RBM6: variants seen among roughly 807,000 people sequenced by gnomAD.
RBM6 encodes RNA binding motif protein 6, also known as RNA-binding protein 6.
Under a neutral mutation model 140.4 loss-of-function variants are expected in RBM6, and 23 were observed. That is an observed-to-expected ratio of 0.16 (90% CI 0.12 to 0.23). The LOEUF is 0.23. Ranked by LOEUF, RBM6 falls within the 10% of genes least tolerant of loss-of-function variation. The pLI, the probability that RBM6 is intolerant of heterozygous loss-of-function variation, is 1.00. For synonymous variants in RBM6, 439 were observed against 475.6 expected, an observed-to-expected ratio of 0.92 and a Z score of 1.00; for missense variants, 1,139 against 1,386.7, an observed-to-expected ratio of 0.82 and a Z score of 2.84.
chr3:50,073,464 T>TA (rs2090366300), intron 19 of RBM6, among the ~76,000 whole-genome samples: 1 of 152,202 alleles, frequency 6.6e-6, no homozygotes, highest in Admixed American at 6.5e-5. Flanking sequence ...ATAACAGCAT[T>TA]AATCCATTTG....
rs371990056 is a variant in RBM6 at position 50,077,070 on chromosome 3, C to G, written c.3309C>G (p.Ser1103=). The part of the protein sequence containing the change: ...GASGRTSKRQ[S]NETYRDAVRR... ...CAGGAAGAACCAGCAAAAGACAGTCCAACGAGACTTACCGAGATGCTGTTC... is the reference window on the plus strand; with the variant it reads ...CAGGAAGAACCAGCAAAAGACAGTCGAACGAGACTTACCGAGATGCTGTTC... The change falls in exon 21 of 21, where the codon TCC becomes TCG. Residue 1103 remains serine (S), a synonymous_variant. Coordinates refer to ENST00000266022, the MANE Select transcript of RBM6 (RefSeq NM_005777.3). 2 of 1,613,116 alleles carry G rather than the reference C, an allele frequency of 1.2e-6. No homozygotes were observed. The highest frequency in any genetic ancestry group is 2.2e-5 in the East Asian group (1 of 44,840).
At chr3:50,003,766 A>C (rs1441559516) in intron 6 of RBM6, among the ~76,000 whole-genome samples, 3 of 152,188 alleles carry the variant, frequency 2.0e-5, no homozygotes, top group African/African-American at 7.2e-5. Flanking sequence ...GCAGCTGTCT[A>C]TCTGGAGAAA....
intron 19 of RBM6, among the ~76,000 whole-genome samples, chr3:50,071,993 A>G (rs1488736139): frequency 1.3e-5 from 2 of 151,068 alleles, no homozygotes; most frequent in Non-Finnish European, 3.0e-5. Context: ...CTGGGGCAGA[A>G]GAATCGCTCA....
intron 6 of RBM6, among the ~76,000 whole-genome samples, chr3:50,033,482 TA>T (rs1018079662): frequency 7.2e-5 from 11 of 152,116 alleles, no homozygotes; most frequent in Non-Finnish European, 1.2e-4. Context: ...TTATATTCTT[TA>T]AAATGACCCA....
intron 5 of RBM6, among the ~76,000 whole-genome samples, chr3:49,976,342 G>T (rs1019327037): frequency 5.9e-5 from 9 of 152,114 alleles, no homozygotes; most frequent in African/African-American, 1.7e-4. Flanking sequence ...AATAAATTTT[G>T]GTGCTTGAAA....
At chr3:50,058,611 C>G (rs561675514) in intron 10 of RBM6, 49 bp downstream of exon 10, 5 of 1,528,448 alleles carry the variant, frequency 3.3e-6, no homozygotes, top group African/African-American at 1.4e-5. Flanking sequence ...GGCTAAAGAA[C>G]CTTCAAGAAG....
intron 6 of RBM6, among the ~76,000 whole-genome samples, chr3:50,013,922 TCA>T (rs1339363788): frequency 6.6e-6 from 1 of 152,102 alleles, no homozygotes. Flanking sequence ...TTTTTGGTTG[TCA>T]CCACTGGGAG....
intron 5 of RBM6, among the ~76,000 whole-genome samples, chr3:49,980,039 C>T (rs751164417): frequency 2.6e-4 from 40 of 151,612 alleles, no homozygotes; most frequent in Non-Finnish European, 4.9e-4. Context: ...CTCGTTTGGT[C>T]ACCCAAGCTG....
chr3:50,070,397 C>T lies in RBM6; in HGVS notation c.3019-58C>T, dbSNP rs2090263714. On this transcript the variant is annotated intron_variant, in intron 18 of 20. Coordinates refer to ENST00000266022, the MANE Select transcript of RBM6 (RefSeq NM_005777.3). ...AATAACAGCAATGGGGTAGAATTTC[C>T]CCACTCCCCAATTCCCTCAGGTGGC... 14 of 1,227,326 alleles carry T rather than the reference C, an allele frequency of 1.1e-5. No homozygotes were observed. The South Asian group carries it at 1.7e-4, about 15-fold the overall frequency. 76.0% of individuals were successfully genotyped at this position (1,227,326 alleles called of 1,614,324 possible).
intron 7 of RBM6, among the ~76,000 whole-genome samples, chr3:50,053,616 C>G (rs1246261323): frequency 6.6e-6 from 1 of 152,122 alleles, no homozygotes; most frequent in African/African-American, 2.4e-5. Flanking sequence ...TTTACTCGCC[C>G]TATAAGGCCC....
chr3:50,076,904 C>G (rs1358184966), intron 20 of RBM6, 104 bp from the exon 21 acceptor site: 30 of 1,189,970 alleles, frequency 2.5e-5, no homozygotes, highest in Admixed American at 3.1e-5. Flanking sequence ...AAAAATTATC[C>G]TATATACTGC....
chr3:49,977,272 G>T (rs1363963670), intron 5 of RBM6, among the ~76,000 whole-genome samples: 1 of 152,196 alleles, frequency 6.6e-6, no homozygotes, highest in Non-Finnish European at 1.5e-5. Flanking sequence ...CTGTGTCAGG[G>T]TCTTTGCACT....
At chr3:49,978,912 ATT>A (rs2085178108) in intron 5 of RBM6, among the ~76,000 whole-genome samples, 1 of 152,162 alleles carries the variant, frequency 6.6e-6, no homozygotes, top group African/African-American at 2.4e-5. Flanking sequence ...TTATATGATT[ATT>A]TCTGGAAAAA....
intron 6 of RBM6, among the ~76,000 whole-genome samples, chr3:50,019,573 T>C (rs1262928717): frequency 1.3e-5 from 2 of 152,158 alleles, no homozygotes; most frequent in African/African-American, 2.4e-5. Flanking sequence ...AAAACTGGTC[T>C]CCAGCTCTTG....
chr3:49,958,782 CT>C lies in RBM6; in HGVS notation c.-66-3775del, dbSNP rs35853185. ...AAAAAAAATTCATTCTGAAGAATTC[CT>C]TTTTTTTTTTTTTTTTTTGTAAAAA... On this transcript the variant is annotated intron_variant, in intron 1 of 20. Coordinates refer to ENST00000266022, the MANE Select transcript of RBM6 (RefSeq NM_005777.3). Among the ~76,000 whole-genome samples the C allele has an allele frequency of 5.5e-3, 634 of 114,350 alleles. 2 individuals are homozygous for C. The highest frequency in any genetic ancestry group is 0.016 in the African/African-American group (478 of 30,062). 75.0% of individuals were successfully genotyped at this position (114,350 alleles called of 152,430 possible).
chr3:49,949,402 G>T (rs1053601709), intron 1 of RBM6, among the ~76,000 whole-genome samples: 1 of 151,040 alleles, frequency 6.6e-6, no homozygotes, highest in African/African-American at 2.4e-5. Context: ...TTGTTTGCTT[G>T]TTTTTTTTGA....
rs35083306 is a variant in RBM6 at position 50,023,655 on chromosome 3, A to ATTT, written c.1557+24160_1557+24162dup. 1.6e-3 allele frequency among the ~76,000 whole-genome samples: 186 copies of ATTT among 115,074 alleles called. 3 individuals are homozygous for ATTT. The highest frequency in any genetic ancestry group is 5.2e-3 in the African/African-American group (156 of 29,890). 75.5% of individuals were successfully genotyped at this position (115,074 alleles called of 152,430 possible). A position where few individuals can be genotyped will look rare whatever the true frequency, so the allele number is the denominator to read the frequency against. ...ACGCTCACAAATAAAATGTTTGGTGATTTTTTTTTTTTTTTTTTTTGGAGA... is the reference window on the plus strand; with the variant it reads ...ACGCTCACAAATAAAATGTTTGGTGATTTTTTTTTTTTTTTTTTTTTTTGGAGA... On this transcript the variant is annotated intron_variant, in intron 6 of 20. Coordinates refer to ENST00000266022, the MANE Select transcript of RBM6 (RefSeq NM_005777.3).
chr3:50,040,493 T>TATAC (rs749096137), intron 6 of RBM6, among the ~76,000 whole-genome samples: 169 of 85,666 alleles, frequency 2.0e-3, no homozygotes, highest in African/African-American at 3.7e-3. Context: ...TATATATATA[T>TATAC]ACACACACAC....
chr3:50,057,448 C>T (rs2089748439), intron 8 of RBM6, among the ~76,000 whole-genome samples: 3 of 151,804 alleles, frequency 2.0e-5, no homozygotes, highest in South Asian at 2.1e-4. Flanking sequence ...ATTACCTGGG[C>T]GTGGTGGTGG....
Sources: gnomAD v4.1 joint callset for allele counts (sites outside exome capture counted in the v4.1 genomes callset) on GRCh38, gnomAD v4.1.1 for gene constraint, MANE v1.5 for transcripts, NCBI Gene and HGNC (gene_info 2026-07-23, HGNC 2026-07-21) for gene names.